Variants in CLEC9A observed in about 807,000 individuals in gnomAD.
CLEC9A encodes the protein C-type lectin domain containing 9A.
In CLEC9A, 24 loss-of-function variants were observed where a neutral mutation model predicts 30.0. The ratio of observed to expected loss-of-function variants is 0.80; its 90% CI spans 0.58 to 1.13. The LOEUF (loss-of-function observed/expected upper bound fraction) is 1.13, where lower values mean the gene tolerates loss of function less well. Ranked by LOEUF, CLEC9A falls within the 50% of genes most tolerant of loss-of-function variation. The pLI is 0.00. For missense variants in CLEC9A, 251 were observed against 280.9 expected, an observed-to-expected ratio of 0.89 and a Z score of 0.76; for synonymous variants, 111 against 96.8, an observed-to-expected ratio of 1.15 and a Z score of -0.86.
intron 5 of CLEC9A, among the ~76,000 whole-genome samples, chr12:10,058,794 C>A (rs1021358946): frequency 3.9e-5 from 6 of 152,226 alleles, no homozygotes; most frequent in Admixed American, 2.6e-4. Flanking sequence ...AGCCACCCCC[C>A]TCAGCCTCCC....
In CLEC9A at chr12:10,063,122, A is replaced by G; in HGVS notation, c.387A>G (p.Glu129=). Residue 129 remains glutamate, a synonymous_variant, in exon 7 of 9, where the codon GAA becomes GAG. Coordinates refer to ENST00000355819, the MANE Select transcript of CLEC9A (RefSeq NM_207345.4). ...QNRESCYYVS[E]IWSIWHTSQE... ...GAGAAAGTTGTTACTATGTCTCTGA[A>G]ATTTGGAGCATTTGGCACACCAGTC... 1 of 1,612,594 alleles carries G rather than the reference A, an allele frequency of 6.2e-7. No individual in the cohort carries two copies.
chr12:10,052,556 A>G (rs1337335413), intron 3 of CLEC9A, 74 bp from the exon 4 acceptor site: 1 of 1,435,126 alleles, frequency 7.0e-7, no homozygotes, highest in Non-Finnish European at 9.2e-7. Context: ...CTCCTTAAAC[A>G]CAAACATATT....
chr12:10,042,483 T>C (rs567273231), intron 2 of CLEC9A, among the ~76,000 whole-genome samples: 10 of 152,204 alleles, frequency 6.6e-5, no homozygotes, highest in Non-Finnish European at 1.2e-4. Flanking sequence ...CATATATTGA[T>C]TGATTTACCT....
intron 5 of CLEC9A, among the ~76,000 whole-genome samples, chr12:10,059,822 A>G (rs535791905): frequency 2.8e-4 from 42 of 152,220 alleles, no homozygotes; most frequent in Non-Finnish European, 6.0e-4. Context: ...AAAGGATTAG[A>G]ACCTAGAATG....
intron 1 of CLEC9A, among the ~76,000 whole-genome samples, chr12:10,033,673 T>A (rs1381323818): frequency 2.6e-5 from 4 of 152,236 alleles, no homozygotes; most frequent in Non-Finnish European, 5.9e-5. Flanking sequence ...AGCACAGTTA[T>A]TAATTATGGA....
intron 1 of CLEC9A, among the ~76,000 whole-genome samples, chr12:10,033,326 A>T (rs752001200): frequency 3.3e-5 from 5 of 152,134 alleles, no homozygotes; most frequent in Non-Finnish European, 7.3e-5. Flanking sequence ...TAGTACCCAT[A>T]GAATGGCCAG....
At position 10,048,462 on chromosome 12, in the gene CLEC9A, A is replaced by G. The variant is rs560017120; in HGVS notation, c.-162-3529A>G. Among the ~76,000 whole-genome samples, 16 of 152,264 alleles carry G rather than the reference A, an allele frequency of 1.1e-4. No homozygotes were observed. In the South Asian group the frequency reaches 1.4e-3, roughly 14 times the overall value. ...TCTGTAGCATGAAATCATGTGAAATAGCATTTTACCCATAGTAAACTTCTT... is the reference window on the plus strand; with the variant it reads ...TCTGTAGCATGAAATCATGTGAAATGGCATTTTACCCATAGTAAACTTCTT... On this transcript the variant is annotated intron_variant, in intron 2 of 8. Transcript: ENST00000355819.
At chr12:10,046,481 A>G (rs1459070473) in intron 2 of CLEC9A, among the ~76,000 whole-genome samples, 3 of 152,228 alleles carry the variant, frequency 2.0e-5, no homozygotes, top group East Asian at 1.9e-4. Flanking sequence ...ACACAGAAGG[A>G]CATGTTAAAA....
chr12:10,062,204 A>T (rs145783546), intron 6 of CLEC9A, among the ~76,000 whole-genome samples: 1 of 152,368 alleles, frequency 6.6e-6, no homozygotes, highest in East Asian at 1.9e-4. Context: ...GATTTCAAAC[A>T]AAAGATATTG....
At chr12:10,047,152 A>C (rs1477314838) in intron 2 of CLEC9A, among the ~76,000 whole-genome samples, 1 of 152,208 alleles carries the variant, frequency 6.6e-6, no homozygotes, top group Admixed American at 6.5e-5. Flanking sequence ...TGCTACTTCA[A>C]ATGTCTACAG....
chr12:10,050,110 C>G (rs1300390302), intron 2 of CLEC9A, among the ~76,000 whole-genome samples: 1 of 152,102 alleles, frequency 6.6e-6, no homozygotes, highest in Non-Finnish European at 1.5e-5. Flanking sequence ...GATGGAACAG[C>G]CAGTTGGTGG....
chr12:10,065,819 T>C lies in CLEC9A; in HGVS notation c.*187T>C. 1 of 566,036 alleles carries C rather than the reference T, an allele frequency of 1.8e-6. No individual in the cohort carries two copies. Among genetic ancestry groups the C allele is most frequent in the South Asian group, 2.5e-5 (1 of 39,998 alleles). 35.1% of individuals were successfully genotyped at this position (566,036 alleles called of 1,614,324 possible). A position where few individuals can be genotyped will look rare whatever the true frequency, so the allele number is the denominator to read the frequency against. On this transcript the variant is annotated 3_prime_UTR_variant, in exon 9 of 9. Coordinates refer to ENST00000355819, the MANE Select transcript of CLEC9A (RefSeq NM_207345.4). The stretch of plus-strand genomic sequence containing the variant: ...ACCGTCCAGATTTCATTTGATGTTG[T>C]TCACATTGCAAGAGTAAAACTTATT...
chr12:10,033,534 A>T (rs1185523261), intron 1 of CLEC9A, among the ~76,000 whole-genome samples: 1 of 152,236 alleles, frequency 6.6e-6, no homozygotes, highest in Non-Finnish European at 1.5e-5. Flanking sequence ...GAGTTTCTCC[A>T]TCTCGATAAA....
chr12:10,043,137 C>A, intron 2 of CLEC9A: 1 of 312,566 alleles, frequency 3.2e-6, no homozygotes, highest in Non-Finnish European at 6.3e-6. Context: ...AGGGTCTTAT[C>A]ATAAAGCTTT....
chr12:10,059,139 T>C (rs1865972432), intron 5 of CLEC9A, among the ~76,000 whole-genome samples: 1 of 152,226 alleles, frequency 6.6e-6, no homozygotes, highest in African/African-American at 2.4e-5. Flanking sequence ...AAACCAATTA[T>C]ATAACTGAGT....
At chr12:10,051,384 G>A (rs1463112335) in intron 2 of CLEC9A, among the ~76,000 whole-genome samples, 1 of 152,138 alleles carries the variant, frequency 6.6e-6, no homozygotes, top group Non-Finnish European at 1.5e-5. Flanking sequence ...GCCAATAGAA[G>A]GCAGTGGTGA....
intron 1 of CLEC9A, among the ~76,000 whole-genome samples, chr12:10,037,964 A>G (rs1865757960): frequency 6.6e-6 from 1 of 152,210 alleles, no homozygotes; most frequent in Admixed American, 6.5e-5. Flanking sequence ...AAAAGTTCAC[A>G]TAGCCTAAGA....
chr12:10,031,165 A>G (rs1183111332), intron 1 of CLEC9A, among the ~76,000 whole-genome samples, 193 bp downstream of exon 1: 1 of 152,214 alleles, frequency 6.6e-6, no homozygotes, highest in Non-Finnish European at 1.5e-5. Context: ...GAAATAATGA[A>G]TGATATGTGG....
Position 10,052,790 on chromosome 12 carries a change from T to C in CLEC9A, c.91+12T>C, listed in dbSNP as rs1265285996. 1 of 1,611,898 alleles carries C rather than the reference T, an allele frequency of 6.2e-7. No homozygotes were observed. Among genetic ancestry groups the C allele is most frequent in the East Asian group, 2.2e-5 (1 of 44,848 alleles). ...CAACAAATGTTCAGGTAACCAGTTC[T>C]AACTATTTTGTGTGAGACTTTAGAG... On this transcript the variant is annotated intron_variant, in intron 4 of 8. Coordinates refer to ENST00000355819, the MANE Select transcript of CLEC9A (RefSeq NM_207345.4).
Sources: allele counts gnomAD v4.1 joint callset (sites outside exome capture counted in the v4.1 genomes callset), GRCh38; gene constraint gnomAD v4.1.1; transcripts MANE v1.5; gene names NCBI Gene and HGNC (gene_info 2026-07-23, HGNC 2026-07-21).